Variants in USP47 observed in about 807,000 individuals in gnomAD.
USP47 encodes ubiquitin carboxyl-terminal hydrolase 47.
A neutral mutation model predicts 165.1 loss-of-function variants in USP47; 35 were observed. The ratio of observed to expected loss-of-function variants is 0.21; its 90% CI spans 0.16 to 0.28. USP47 has a LOEUF of 0.28. USP47 is among the 10% of genes least tolerant of loss of function. USP47 has a pLI of 1.00. For synonymous variants in USP47, 531 were observed against 544.5 expected (o/e 0.98, Z 0.35); for missense variants, 1,277 against 1,607.4 (o/e 0.79, Z 3.52).
At chr11:11,897,416 T>G (rs1227368662) in intron 4 of USP47, among the ~76,000 whole-genome samples, 181 bp from the exon 5 acceptor site, 1 of 152,068 alleles carries the variant, frequency 6.6e-6, no homozygotes, top group African/African-American at 2.4e-5. Flanking sequence ...AAACAAAGCT[T>G]ACTTAGAGCA....
intron 18 of USP47, among the ~76,000 whole-genome samples, chr11:11,938,735 T>C (rs1023274265): frequency 4.1e-4 from 62 of 152,004 alleles, no homozygotes; most frequent in African/African-American, 1.4e-3. Context: ...GCGGCAATGC[T>C]GCATTTAGTG....
At chr11:11,877,871 A>C (rs1002211361) in intron 1 of USP47, among the ~76,000 whole-genome samples, 2 of 141,856 alleles carry the variant, frequency 1.4e-5, no homozygotes, top group Non-Finnish European at 3.0e-5. Flanking sequence ...GCGCGCGCAG[A>C]TAAGATATTT....
chr11:11,873,676 A>AAAGTATGTACTAATAC, intron 1 of USP47: 1 of 439,846 alleles, frequency 2.3e-6, no homozygotes, highest in Non-Finnish European at 3.8e-6. Context: ...ATGATGTACT[A>AAAGTATGTACTAATAC]ATACTTTAAT....
intron 4 of USP47, among the ~76,000 whole-genome samples, chr11:11,892,818 T>TAAAAA (rs778720093): frequency 1.4e-4 from 11 of 80,064 alleles, no homozygotes; most frequent in African/African-American, 4.3e-4. Flanking sequence ...CTGTCTCAAG[T>TAAAAA]AAAAAAAAAA....
chr11:11,901,676 A>C (rs1330492505), intron 5 of USP47, among the ~76,000 whole-genome samples: 1 of 152,136 alleles, frequency 6.6e-6, no homozygotes, highest in Non-Finnish European at 1.5e-5. Context: ...AAAGGGAAGT[A>C]GGCTGAGTGC....
intron 1 of USP47, among the ~76,000 whole-genome samples, chr11:11,847,639 C>T (rs1848501906): frequency 6.6e-6 from 1 of 152,118 alleles, no homozygotes; most frequent in Non-Finnish European, 1.5e-5. Context: ...TATAGTTCAC[C>T]ACTTAGAAAA....
At chr11:11,955,210 C>T (rs373256148) in intron 27 of USP47, 46 bp downstream of exon 27, 28 of 1,591,010 alleles carry the variant, frequency 1.8e-5, no homozygotes, top group South Asian at 3.4e-5. Flanking sequence ...ACATTTTTGG[C>T]GTGCATACAT....
chr11:11,886,942 A>C (rs976346142), intron 3 of USP47, among the ~76,000 whole-genome samples: 6 of 152,210 alleles, frequency 3.9e-5, no homozygotes, highest in African/African-American at 1.4e-4. Context: ...ATTCTTAAAG[A>C]AAGGAATTTC....
intron 2 of USP47, among the ~76,000 whole-genome samples, chr11:11,882,670 C>T (rs191663961): frequency 6.6e-6 from 1 of 152,184 alleles, no homozygotes; most frequent in East Asian, 1.9e-4. Flanking sequence ...TCAGTGTTTC[C>T]TCATGCCGCT....
At chr11:11,885,607 C>T (rs931483312) in intron 3 of USP47, among the ~76,000 whole-genome samples, 1 of 152,160 alleles carries the variant, frequency 6.6e-6, no homozygotes, top group Non-Finnish European at 1.5e-5. Flanking sequence ...CTTGGTAGAG[C>T]AGCCACTCGG....
intron 1 of USP47, among the ~76,000 whole-genome samples, chr11:11,866,776 G>A (rs150105956): frequency 5.3e-5 from 8 of 152,230 alleles, no homozygotes; most frequent in African/African-American, 1.2e-4. Context: ...AACAATGAAA[G>A]TATCATGCTC....
chr11:11,907,029 G>A (rs921627868), intron 8 of USP47, among the ~76,000 whole-genome samples: 31 of 151,948 alleles, frequency 2.0e-4, no homozygotes, highest in African/African-American at 7.5e-4. Flanking sequence ...TGAATATTGA[G>A]GAAGCTAAAT....
rs765821727 is a variant in USP47 at position 11,920,462 on chromosome 11, G to A, written c.1186G>A (p.Asp396Asn). ...NDRMTFPEEL[D>N]MSTFIDVEDE... ...TCGAATGACATTTCCCGAGGAACTA[G>A]ATATGAGTACTTTTATTGATGTTGA... The change falls in exon 10 of 28, where the codon GAT (aspartate) becomes AAT (asparagine). Residue 396 changes from aspartate to asparagine, a missense_variant. Physicochemically the swap from Asp to Asn is conservative, Grantham distance 23. Transcript: ENST00000527733. 6.2e-7 allele frequency: 1 copy of A among 1,609,520 alleles called. No homozygotes were observed. The highest frequency in any genetic ancestry group is 8.5e-7 in the Non-Finnish European group (1 of 1,177,748).
intron 1 of USP47, among the ~76,000 whole-genome samples, chr11:11,850,178 T>C (rs557277492): frequency 6.0e-4 from 91 of 152,196 alleles, no homozygotes; most frequent in African/African-American, 2.0e-3. Context: ...CCTTAAATAA[T>C]TTCTTTGATT....
At chr11:11,944,011 T>A (rs1408934547) in intron 20 of USP47, among the ~76,000 whole-genome samples, 3 of 151,664 alleles carry the variant, frequency 2.0e-5, no homozygotes, top group Non-Finnish European at 1.5e-5. Context: ...AAGCCAAAGC[T>A]CATAGAGGAT....
chr11:11,894,029 C>CAA (rs1001125148), intron 4 of USP47, among the ~76,000 whole-genome samples: 7 of 151,912 alleles, frequency 4.6e-5, no homozygotes, highest in African/African-American at 1.7e-4. Flanking sequence ...CAAACAACCA[C>CAA]AATAAAAAAA....
At chr11:11,855,503 T>A (rs1017600438) in intron 1 of USP47, among the ~76,000 whole-genome samples, 10 of 152,228 alleles carry the variant, frequency 6.6e-5, no homozygotes, top group Non-Finnish European at 1.2e-4. Flanking sequence ...AAAGTGACTT[T>A]CTAGTAGAGA....
At chr11:11,920,762 T>C (rs1253722668) in intron 10 of USP47, among the ~76,000 whole-genome samples, 2 of 151,826 alleles carry the variant, frequency 1.3e-5, no homozygotes, top group Non-Finnish European at 3.0e-5. Flanking sequence ...GAACTCAGCT[T>C]TGGAATTATT....
chr11:11,943,314 G>C (rs1163822226), intron 20 of USP47: 7 of 416,880 alleles, frequency 1.7e-5, no homozygotes, highest in Non-Finnish European at 2.9e-5. Flanking sequence ...AGAACTCTGA[G>C]ATAAGAAGTA....
Sources: allele counts gnomAD v4.1 joint callset (sites outside exome capture counted in the v4.1 genomes callset), GRCh38; gene constraint gnomAD v4.1.1; transcripts MANE v1.5; gene names NCBI Gene and HGNC (gene_info 2026-07-23, HGNC 2026-07-21).